Variants in NKAIN2 observed in about 807,000 individuals in gnomAD.
The protein encoded by NKAIN2 is sodium/potassium-transporting ATPase subunit beta-1-interacting protein 2.
In NKAIN2, 14 loss-of-function variants were observed where a neutral mutation model predicts 32.6. That is an observed-to-expected ratio of 0.43 (90% CI 0.28 to 0.67). The LOEUF (loss-of-function observed/expected upper bound fraction) is 0.67, where lower values mean the gene tolerates loss of function less well. Ranked by LOEUF, NKAIN2 falls within the 30% of genes least tolerant of loss-of-function variation. The pLI is 0.17. For missense variants in NKAIN2, 198 were observed against 258.3 expected, an observed-to-expected ratio of 0.77 and a Z score of 1.60; for synonymous variants, 80 against 87.2, an observed-to-expected ratio of 0.92 and a Z score of 0.46.
chr6:124,577,449 C>T (rs1175795655), intron 3 of NKAIN2, among the ~76,000 whole-genome samples: 1 of 152,062 alleles, frequency 6.6e-6, no homozygotes, highest in Non-Finnish European at 1.5e-5. Flanking sequence ...TGGTGCTGCC[C>T]TGTCACAGTG....
intron 4 of NKAIN2, among the ~76,000 whole-genome samples, chr6:124,774,522 T>C (rs1778902560): frequency 1.3e-5 from 2 of 152,028 alleles, no homozygotes; most frequent in Admixed American, 1.3e-4. Context: ...AGGGGAGATG[T>C]CTGGTGGGAA....
chr6:124,229,747 T>C (rs1792347487), intron 1 of NKAIN2, among the ~76,000 whole-genome samples: 1 of 152,148 alleles, frequency 6.6e-6, no homozygotes, highest in African/African-American at 2.4e-5. Context: ...GGCTCTCTTT[T>C]TGCCTGCTGC....
At chr6:124,644,657 G>C in intron 3 of NKAIN2, among the ~76,000 whole-genome samples, 1 of 152,032 alleles carries the variant, frequency 6.6e-6, no homozygotes, top group African/African-American at 2.4e-5. Context: ...GCCTGCCTCG[G>C]CCCCCCCAAA....
intron 2 of NKAIN2, among the ~76,000 whole-genome samples, chr6:124,351,526 A>G (rs1348635585): frequency 3.4e-5 from 5 of 148,842 alleles, no homozygotes; most frequent in Non-Finnish European, 6.0e-5. Flanking sequence ...AAAAAAAAAG[A>G]AAAGAAGAAG....
intron 1 of NKAIN2, among the ~76,000 whole-genome samples, chr6:124,157,942 G>T (rs1475161820): frequency 6.6e-6 from 1 of 152,098 alleles, no homozygotes; most frequent in African/African-American, 2.4e-5. Flanking sequence ...ATCTATTTGT[G>T]TCCACATTTA....
chr6:123,886,388 G>A (rs1773713964), intron 1 of NKAIN2, among the ~76,000 whole-genome samples: 1 of 152,054 alleles, frequency 6.6e-6, no homozygotes, highest in Non-Finnish European at 1.5e-5. Context: ...TAGTAAAGAA[G>A]CACACCCAGT....
intron 4 of NKAIN2, among the ~76,000 whole-genome samples, chr6:124,681,055 A>G (rs1004590410): frequency 6.6e-6 from 1 of 151,902 alleles, no homozygotes; most frequent in African/African-American, 2.4e-5. Context: ...CAGTCCATAG[A>G]GATTATTTAG....
intron 4 of NKAIN2, among the ~76,000 whole-genome samples, chr6:124,661,432 G>C (rs1169147886): frequency 6.6e-6 from 1 of 152,128 alleles, no homozygotes; most frequent in South Asian, 2.1e-4. Flanking sequence ...TTCTTTCACA[G>C]ATTCCTGAAC....
chr6:124,666,935 T>C (rs1772825600), intron 4 of NKAIN2, among the ~76,000 whole-genome samples: 1 of 152,166 alleles, frequency 6.6e-6, no homozygotes, highest in Admixed American at 6.6e-5. Context: ...GGTAATGTTA[T>C]TTATTTTCTC....
rs377699255 is a variant in NKAIN2, at chr6:124,823,280, C to A, written c.*51C>A. The A allele has an allele frequency of 2.3e-6, 3 of 1,305,680 alleles. No homozygotes were observed. The highest frequency in any genetic ancestry group is 2.9e-5 in the African/African-American group (2 of 69,482). 80.9% of individuals were successfully genotyped at this position (1,305,680 alleles called of 1,614,324 possible). On this transcript the variant is annotated 3_prime_UTR_variant, in exon 7 of 7. Transcript: ENST00000368417. ...CATGGACCTTTCAAAGAACTTTTTTCGCAGTGGCCTCCTGCATTTCATGAA... is the reference window on the plus strand; with the variant it reads ...CATGGACCTTTCAAAGAACTTTTTTAGCAGTGGCCTCCTGCATTTCATGAA...
intron 1 of NKAIN2, among the ~76,000 whole-genome samples, chr6:124,198,600 C>T (rs201525630): frequency 6.6e-6 from 1 of 151,856 alleles, no homozygotes; most frequent in Non-Finnish European, 1.5e-5. Flanking sequence ...CCTTTTCTTT[C>T]CTTTCCTCAG....
chr6:124,382,121 T>G (rs939884481), intron 3 of NKAIN2, among the ~76,000 whole-genome samples: 3 of 151,658 alleles, frequency 2.0e-5, no homozygotes, highest in Non-Finnish European at 2.9e-5. Context: ...AATTACCCAT[T>G]TTTTTTGCAT....
At chr6:124,013,415 A>G (rs1269639429) in intron 1 of NKAIN2, among the ~76,000 whole-genome samples, 1 of 152,162 alleles carries the variant, frequency 6.6e-6, no homozygotes, top group Non-Finnish European at 1.5e-5. Flanking sequence ...TTTCATCTGT[A>G]TGTTTTACAA....
At chr6:124,059,074 CATATT>C (rs1201393591) in intron 1 of NKAIN2, among the ~76,000 whole-genome samples, 4 of 151,556 alleles carry the variant, frequency 2.6e-5, no homozygotes, top group African/African-American at 9.7e-5. Context: ...AAGAAATAAA[CATATT>C]AGAATGGAAA....
chr6:124,224,147 C>G (rs973287260), intron 1 of NKAIN2, among the ~76,000 whole-genome samples: 5 of 152,094 alleles, frequency 3.3e-5, no homozygotes, highest in Non-Finnish European at 5.9e-5. Flanking sequence ...ATTCTGCATA[C>G]ATTTACATTC....
rs1249197870 is a variant in NKAIN2 at position 123,976,296 on chromosome 6, T to C, written c.54+172042T>C. Among the ~76,000 whole-genome samples, 9 of 101,226 alleles carry C rather than the reference T, an allele frequency of 8.9e-5. No individual in the cohort carries two copies. In the East Asian group the frequency reaches 2.2e-3, roughly 25 times the overall value. 66.4% of individuals were successfully genotyped at this position (101,226 alleles called of 152,430 possible). A position where few individuals can be genotyped will look rare whatever the true frequency, so the allele number is the denominator to read the frequency against. On this transcript the variant is annotated intron_variant, in intron 1 of 6. Coordinates refer to ENST00000368417, the MANE Select transcript of NKAIN2 (RefSeq NM_001040214.3). ...ATATATATGTTTCCATATATATGTT[T>C]CCATATATATGTTTCCATATATATA...
chr6:124,508,824 A>ATTTGGTTTGC, intron 3 of NKAIN2, among the ~76,000 whole-genome samples: 1 of 152,128 alleles, frequency 6.6e-6, no homozygotes, highest in African/African-American at 2.4e-5. Context: ...GCTGTAAAGG[A>ATTTGGTTTGC]AGCTCTGCCT....
At chr6:124,773,045 G>A (rs1385291622) in intron 4 of NKAIN2, among the ~76,000 whole-genome samples, 1 of 152,194 alleles carries the variant, frequency 6.6e-6, no homozygotes, top group Non-Finnish European at 1.5e-5. Flanking sequence ...TTGTTACTAA[G>A]GCTGAGGGAT....
chr6:124,664,374 A>G (rs979111353), intron 4 of NKAIN2, among the ~76,000 whole-genome samples: 4 of 152,084 alleles, frequency 2.6e-5, no homozygotes, highest in African/African-American at 9.7e-5. Flanking sequence ...GTTTTGATCA[A>G]TTTTATATAA....
Sources: allele counts gnomAD v4.1 joint callset (sites outside exome capture counted in the v4.1 genomes callset), GRCh38; gene constraint gnomAD v4.1.1; transcripts MANE v1.5; gene names NCBI Gene and HGNC (gene_info 2026-07-23, HGNC 2026-07-21).